The following PCCA variants were observed in gnomAD, a reference collection of about 807,000 sequenced individuals.
The protein encoded by PCCA is propionyl-CoA carboxylase alpha chain, mitochondrial.
PCCA carries 74 observed loss-of-function variants against 101.3 expected under a neutral mutation model. The observed-to-expected ratio is 0.73, with a 90% CI of 0.61 to 0.89. PCCA has a LOEUF of 0.89. Ranked by LOEUF, PCCA falls within the 40% of genes least tolerant of loss-of-function variation. The pLI, the probability that PCCA is intolerant of heterozygous loss-of-function variation, is 0.00. For synonymous variants in PCCA, 294 were observed against 313.6 expected, an observed-to-expected ratio of 0.94 and a Z score of 0.66; for missense variants, 891 against 907.0, an observed-to-expected ratio of 0.98 and a Z score of 0.23.
chr13:100,426,128 G>T (rs1203043243), intron 20 of PCCA, among the ~76,000 whole-genome samples: 4 of 151,902 alleles, frequency 2.6e-5, no homozygotes, highest in African/African-American at 4.8e-5. Context: ...GTGTTATTCA[G>T]GTTGACTTTC....
intron 6 of PCCA, among the ~76,000 whole-genome samples, chr13:100,163,491 TG>T (rs2054709074): frequency 6.6e-6 from 1 of 152,240 alleles, no homozygotes; most frequent in Non-Finnish European, 1.5e-5. Flanking sequence ...AGGATGTAGT[TG>T]TGTCATGCTT....
chr13:100,256,065 T>C (rs1053870492), intron 8 of PCCA, among the ~76,000 whole-genome samples: 1 of 152,172 alleles, frequency 6.6e-6, no homozygotes, highest in Non-Finnish European at 1.5e-5. Context: ...TGGAGTGCAG[T>C]GGCGTAATCT....
At chr13:100,438,970 G>A (rs1394786085) in intron 20 of PCCA, among the ~76,000 whole-genome samples, 1 of 152,124 alleles carries the variant, frequency 6.6e-6, no homozygotes, top group East Asian at 1.9e-4. Context: ...GTGGAATGTA[G>A]TCCTACCAAA....
At chr13:100,360,182 T>C (rs1395977193) in intron 18 of PCCA, among the ~76,000 whole-genome samples, 1 of 151,970 alleles carries the variant, frequency 6.6e-6, no homozygotes, top group Non-Finnish European at 1.5e-5. Flanking sequence ...CCCCTTTTTT[T>C]TTTCTTTAAC....
intron 1 of PCCA, among the ~76,000 whole-genome samples, chr13:100,093,269 G>A (rs1368049582): frequency 6.6e-6 from 1 of 152,172 alleles, no homozygotes; most frequent in Non-Finnish European, 1.5e-5. Flanking sequence ...TAGAGTTAGA[G>A]TTAGAACTGT....
chr13:100,414,657 C>G (rs1451824733), intron 19 of PCCA, among the ~76,000 whole-genome samples: 1 of 152,134 alleles, frequency 6.6e-6, no homozygotes, highest in Admixed American at 6.5e-5. Flanking sequence ...CTTCACATCT[C>G]TAGTTGCAGT....
chr13:100,358,102 C>A (rs938034569), intron 18 of PCCA, among the ~76,000 whole-genome samples: 2 of 152,160 alleles, frequency 1.3e-5, no homozygotes. Flanking sequence ...CCTGGAAGGA[C>A]CATGCCTTGG....
At chr13:100,113,968 A>AATAAG (rs2048560567) in intron 4 of PCCA, among the ~76,000 whole-genome samples, 1 of 152,216 alleles carries the variant, frequency 6.6e-6, no homozygotes, top group Non-Finnish European at 1.5e-5. Context: ...TTATTTTATA[A>AATAAG]GCTTTTTTCT....
intron 6 of PCCA, among the ~76,000 whole-genome samples, chr13:100,190,453 C>A (rs1458368782): frequency 6.6e-6 from 1 of 151,806 alleles, no homozygotes; most frequent in Non-Finnish European, 1.5e-5. Context: ...GAGGCCTGGG[C>A]AGGTGGATCA....
Position 100,301,560 on chromosome 13 carries a change from T to C in PCCA, c.1166T>C (p.Ile389Thr), listed in dbSNP as rs925479183. The change falls in exon 13 of 24, where the codon ATT becomes ACT. Residue 389 changes from isoleucine (I) to threonine (T), a missense_variant. Transcript: ENST00000376285. Reference sequence around the variant, plus strand: ...CCTCTCAGGCACAAACAAGCTGATATTCGCATCAACGGCTGGGCAGTTGAA... The same window carrying C: ...CCTCTCAGGCACAAACAAGCTGATACTCGCATCAACGGCTGGGCAGTTGAA... The part of the protein sequence containing the change: ...GYPLRHKQAD[I>T]RINGWAVECR... 24 of 1,613,946 alleles carry C rather than the reference T, an allele frequency of 1.5e-5. No homozygotes were observed. Among genetic ancestry groups the C allele is most frequent in the Middle Eastern group, 1.6e-4 (1 of 6,084 alleles).
intron 10 of PCCA, among the ~76,000 whole-genome samples, chr13:100,268,244 C>T (rs1160273732): frequency 6.6e-6 from 1 of 152,146 alleles, no homozygotes; most frequent in Non-Finnish European, 1.5e-5. Flanking sequence ...AGATAGATAA[C>T]AGATTACATA....
At chr13:100,313,201 A>G (rs958290843) in intron 16 of PCCA, among the ~76,000 whole-genome samples, 2 of 152,032 alleles carry the variant, frequency 1.3e-5, no homozygotes, top group Admixed American at 6.6e-5. Context: ...GAAGGTTGCA[A>G]ACATCATGGC....
At chr13:100,403,893 A>T (rs1244594522) in intron 19 of PCCA, among the ~76,000 whole-genome samples, 1 of 151,936 alleles carries the variant, frequency 6.6e-6, no homozygotes, top group Non-Finnish European at 1.5e-5. Flanking sequence ...GCTGGTTGGA[A>T]TTTTTCCAAG....
chr13:100,234,956 C>G (rs1594855543), intron 7 of PCCA, among the ~76,000 whole-genome samples: 1 of 151,826 alleles, frequency 6.6e-6, no homozygotes, highest in South Asian at 2.1e-4. Flanking sequence ...TAGATTTCAA[C>G]ATTATCTTTA....
intron 12 of PCCA, among the ~76,000 whole-genome samples, chr13:100,284,450 A>C (rs1472204792): frequency 6.6e-6 from 1 of 152,234 alleles, no homozygotes; most frequent in Non-Finnish European, 1.5e-5. Context: ...ACTTTTCCTT[A>C]TCAAAGGCAA....
intron 21 of PCCA, among the ~76,000 whole-genome samples, chr13:100,481,739 T>C (rs2083957040): frequency 1.3e-5 from 2 of 152,046 alleles, no homozygotes; most frequent in Non-Finnish European, 2.9e-5. Flanking sequence ...CTCACACTAC[T>C]CAGAATGACT....
intron 1 of PCCA, among the ~76,000 whole-genome samples, chr13:100,101,302 T>G (rs2047258418): frequency 6.6e-6 from 1 of 152,232 alleles, no homozygotes; most frequent in South Asian, 2.1e-4. Context: ...TTGACCAATC[T>G]GTGGTTAAAT....
At chr13:100,339,174 G>A (rs1268018554) in intron 17 of PCCA, among the ~76,000 whole-genome samples, 1 of 151,960 alleles carries the variant, frequency 6.6e-6, no homozygotes, top group Non-Finnish European at 1.5e-5. Flanking sequence ...TGTAAATGCT[G>A]TGTAAATCAT....
At chr13:100,178,942 T>A (rs1202054093) in intron 6 of PCCA, among the ~76,000 whole-genome samples, 1 of 151,716 alleles carries the variant, frequency 6.6e-6, no homozygotes, top group East Asian at 1.9e-4. Context: ...CTGGGCGTGG[T>A]GGCAGGCGCC....
Sources: allele counts gnomAD v4.1 joint callset (sites outside exome capture counted in the v4.1 genomes callset), GRCh38; gene constraint gnomAD v4.1.1; transcripts MANE v1.5; gene names NCBI Gene and HGNC (gene_info 2026-07-23, HGNC 2026-07-21).